Variants in ABLIM2 observed in about 807,000 individuals in gnomAD.
ABLIM2 encodes actin-binding LIM protein 2.
A neutral mutation model predicts 97.7 loss-of-function variants in ABLIM2; 53 were observed. The ratio of observed to expected loss-of-function variants is 0.54; its 90% CI spans 0.44 to 0.68. ABLIM2 has a LOEUF of 0.68. Ranked by LOEUF, ABLIM2 falls within the 30% of genes least tolerant of loss-of-function variation. The pLI, the probability that ABLIM2 is intolerant of heterozygous loss-of-function variation, is 0.00. For missense variants in ABLIM2, 835 were observed against 867.2 expected (o/e 0.96, Z 0.47); for synonymous variants, 361 against 345.8 (o/e 1.04, Z -0.49).
chr4:7,968,715 G>C (rs967734513), intron 20 of ABLIM2, among the ~76,000 whole-genome samples: 1 of 152,232 alleles, frequency 6.6e-6, no homozygotes, highest in African/African-American at 2.4e-5. Context: ...CGGATATGGG[G>C]TTTCCTCTTG....
chr4:8,002,348 C>G lies in ABLIM2; in HGVS notation c.1618+5711G>C, dbSNP rs1206820895. 1.3e-5 allele frequency among the ~76,000 whole-genome samples: 2 copies of G among 152,208 alleles called. No homozygotes were observed. The highest frequency in any genetic ancestry group is 2.4e-5 in the African/African-American group (1 of 41,458). The stretch of plus-strand genomic sequence containing the variant: ...GTGTCTTCTTTGATTCCGTCACCCC[C>G]GCAGCCAGTGGTTCCTGAGCTGCCA... On this transcript the variant is annotated intron_variant, in intron 16 of 20. Transcript: ENST00000447017. The surrounding 1 kb of genome is among the most constrained non-coding windows in gnomAD (Gnocchi z 6.1).
intron 16 of ABLIM2, among the ~76,000 whole-genome samples, chr4:7,993,175 A>G (rs1193460312): frequency 6.6e-6 from 1 of 152,250 alleles, no homozygotes. Flanking sequence ...ACCTCAGCCC[A>G]GCTGGCCCCT....
Position 8,124,311 on chromosome 4 carries a change from A to T in ABLIM2, c.11-17674T>A, listed in dbSNP as rs1578324872. On this transcript the variant is annotated intron_variant, in intron 1 of 20. Coordinates refer to ENST00000447017, the MANE Select transcript of ABLIM2 (RefSeq NM_001130083.2). The surrounding 1 kb of genome is among the most constrained non-coding windows in gnomAD (Gnocchi z 6.1). ...TACAATTTGCCTGTTTGGAATGCAC[A>T]CTCAATGGCTTTTGGTATTTCACAG... 6.6e-6 allele frequency among the ~76,000 whole-genome samples: 1 copy of T among 152,200 alleles called. No individual in the cohort carries two copies. The highest frequency in any genetic ancestry group is 1.9e-4 in the East Asian group (1 of 5,198).
In ABLIM2 at chr4:8,099,701, C is replaced by A. The variant is rs34067387; in HGVS notation, c.155-2419G>T. Among the ~76,000 whole-genome samples, 10 of 151,968 alleles carry A rather than the reference C, an allele frequency of 6.6e-5. No individual in the cohort carries two copies. In the East Asian group the frequency reaches 1.4e-3, roughly 21 times the overall value. ...TCTACTAAAAATACAAAAAATTATC[C>A]GGGCGTGGTGGCGGGCGCCTGTAGT... On this transcript the variant is annotated intron_variant, in intron 2 of 20. Coordinates refer to ENST00000447017, the MANE Select transcript of ABLIM2 (RefSeq NM_001130083.2).
intron 14 of ABLIM2, among the ~76,000 whole-genome samples, chr4:8,010,160 C>T (rs912556811): frequency 5.3e-5 from 8 of 152,224 alleles, no homozygotes; most frequent in East Asian, 1.9e-4. Flanking sequence ...AGCTGAGCAA[C>T]GAGGCATCTG....
rs149809110 is a variant in ABLIM2 at position 8,006,883 on chromosome 4, G to T, written c.1618+1176C>A. On this transcript the variant is annotated intron_variant, in intron 16 of 20. Transcript: ENST00000447017. ...CCCTCTGGGGGATTTTTGCAGGGGG[G>T]GGGTGGCTTTCCCATGGTGACATCA... The T allele has an allele frequency of 1.5e-3, 568 of 386,388 alleles. 3 individuals are homozygous for T. Among genetic ancestry groups the T allele is most frequent in the African/African-American group, 0.011 (485 of 45,744 alleles). The allele number at this position is 386,388 out of a possible 1,614,324, so 23.9% of individuals were successfully genotyped here.
intron 1 of ABLIM2, among the ~76,000 whole-genome samples, chr4:8,146,517 T>A (rs967553140): frequency 1.3e-5 from 2 of 152,148 alleles, no homozygotes; most frequent in Non-Finnish European, 2.9e-5. Flanking sequence ...GTTTAACACA[T>A]TTTTTATTTT....
In ABLIM2 at chr4:8,090,627, G is replaced by T. The variant is rs368000176; in HGVS notation, c.339-2343C>A. Among the ~76,000 whole-genome samples the T allele has an allele frequency of 1.5e-4, 23 of 152,136 alleles. No individual in the cohort carries two copies. In the East Asian group the frequency reaches 2.7e-3, roughly 18 times the overall value. On this transcript the variant is annotated intron_variant, in intron 3 of 20. Coordinates refer to ENST00000447017, the MANE Select transcript of ABLIM2 (RefSeq NM_001130083.2). ...ACAATCATGCTGCTCACGACCTCTG[G>T]CCCCAGGCACCGTGATCATCATTGT...
chr4:8,139,426 CA>C lies in ABLIM2; in HGVS notation c.10+19253del, dbSNP rs1444264566. Among the ~76,000 whole-genome samples the C allele has an allele frequency of 5.3e-5, 8 of 152,188 alleles. 1 individual carries two copies. Among genetic ancestry groups the C allele is most frequent in the Admixed American group, 5.2e-4 (8 of 15,294 alleles). ...ATTTACAAGAAAAAAACAACCCCAT[CA>C]AAAAGTGGGCAAAAGCCATGAAGAG... On this transcript the variant is annotated intron_variant, in intron 1 of 20. Transcript: ENST00000447017.
chr4:8,084,276 C>A (rs1291310935), intron 4 of ABLIM2, among the ~76,000 whole-genome samples: 1 of 152,160 alleles, frequency 6.6e-6, no homozygotes, highest in Non-Finnish European at 1.5e-5. Flanking sequence ...GGGCCCAGAG[C>A]GGGACGGGGG....
chr4:8,055,933 T>G (rs1305578854), intron 7 of ABLIM2, among the ~76,000 whole-genome samples: 1 of 151,844 alleles, frequency 6.6e-6, no homozygotes, highest in African/African-American at 2.4e-5. Context: ...GCCAACATGG[T>G]GAAACCCCAT....
chr4:7,980,938 C>CTTTTTTTTT (rs1255215577), intron 20 of ABLIM2, among the ~76,000 whole-genome samples: 2 of 38,526 alleles, frequency 5.2e-5, no homozygotes, highest in African/African-American at 2.2e-4. Flanking sequence ...TCCACAACCC[C>CTTTTTTTTT]TTATTTTTTT....
chr4:8,004,141 G>T lies in ABLIM2; in HGVS notation c.1618+3918C>A, dbSNP rs374791733. On this transcript the variant is annotated intron_variant, in intron 16 of 20. Transcript: ENST00000447017. This position sits in a 1 kb window ranked among gnomAD's most constrained non-coding sequence, Gnocchi z 5.9. ...CCCTTCCACAGAAAAGCTGCAGCAG[G>T]GTCGCTGTCTCCTAACCCTCCCTCC... Among the ~76,000 whole-genome samples the T allele has an allele frequency of 3.0e-4, 46 of 152,008 alleles. No homozygotes were observed. The Middle Eastern group carries it at 0.014, about 45-fold the overall frequency.
At position 8,124,724 on chromosome 4, in the gene ABLIM2, T is replaced by C. The variant is rs1009909976; in HGVS notation, c.11-18087A>G. Among the ~76,000 whole-genome samples the C allele has an allele frequency of 6.6e-6, 1 of 152,158 alleles. No individual in the cohort carries two copies. The highest frequency in any genetic ancestry group is 2.4e-5 in the African/African-American group (1 of 41,432). On this transcript the variant is annotated intron_variant, in intron 1 of 20. Transcript: ENST00000447017. This position sits in a 1 kb window ranked among gnomAD's most constrained non-coding sequence, Gnocchi z 6.1. ...AATAACACGGCTATGAACATTCGAG[T>C]GTGAATATTCGTGTGGACATAGGTT...
intron 12 of ABLIM2, among the ~76,000 whole-genome samples, chr4:8,024,718 C>T (rs1776229749): frequency 6.6e-6 from 1 of 152,226 alleles, no homozygotes; most frequent in African/African-American, 2.4e-5. Flanking sequence ...GGGTAGAAGC[C>T]TGACCTTGGG....
chr4:7,978,554 C>A (rs1235664409), intron 20 of ABLIM2, among the ~76,000 whole-genome samples: 1 of 152,170 alleles, frequency 6.6e-6, no homozygotes, highest in Non-Finnish European at 1.5e-5. Context: ...CAGGAGCTGC[C>A]AGACCTGCTG....
At chr4:8,013,184 T>G (rs1329943043) in intron 14 of ABLIM2, among the ~76,000 whole-genome samples, 1 of 151,258 alleles carries the variant, frequency 6.6e-6, no homozygotes, top group Admixed American at 6.6e-5. Flanking sequence ...ACTCATCAGA[T>G]AAGCACTGTA....
intron 8 of ABLIM2, among the ~76,000 whole-genome samples, chr4:8,049,842 C>G (rs1794855013): frequency 1.3e-5 from 2 of 152,178 alleles, no homozygotes; most frequent in South Asian, 4.1e-4. Context: ...ATTCTCGTGC[C>G]TCAGCCACCT....
At chr4:7,997,299 T>G (rs112387390) in intron 16 of ABLIM2, among the ~76,000 whole-genome samples, 1,717 of 152,304 alleles carry the variant, frequency 0.011, 35 homozygotes, top group African/African-American at 0.036. Flanking sequence ...CTTGATCTCT[T>G]GATCTCGTGA....
Sources: gnomAD v4.1 joint callset for allele counts (sites outside exome capture counted in the v4.1 genomes callset) on GRCh38, gnomAD v4.1.1 for gene constraint, Gnocchi (gnomAD v3.1) non-coding constraint, MANE v1.5 for transcripts, NCBI Gene and HGNC (gene_info 2026-07-23, HGNC 2026-07-21) for gene names.